Variants in AFAP1 observed in about 807,000 individuals in gnomAD.
The protein encoded by AFAP1 is actin filament-associated protein 1.
Under a neutral mutation model 93.9 loss-of-function variants are expected in AFAP1, and 75 were observed. The observed-to-expected ratio is 0.80, with a 90% confidence interval of 0.66 to 0.97. The LOEUF is 0.97. Ranked by LOEUF, AFAP1 falls within the 50% of genes least tolerant of loss-of-function variation. AFAP1 has a pLI of 0.00. For missense variants in AFAP1, 1,201 were observed against 1,050.8 expected, an observed-to-expected ratio of 1.14 and a Z score of -1.98; for synonymous variants, 517 against 430.7, an observed-to-expected ratio of 1.20 and a Z score of -2.48.
chr4:7,907,251 C>G (rs1308979070), intron 1 of AFAP1, among the ~76,000 whole-genome samples: 1 of 152,138 alleles, frequency 6.6e-6, no homozygotes, highest in East Asian at 1.9e-4. Context: ...CCACTTACCC[C>G]TCAGCTGACA....
At chr4:7,843,481 G>A in intron 4 of AFAP1, 131 bp from the exon 5 acceptor site, 3 of 864,428 alleles carry the variant, frequency 3.5e-6, no homozygotes, top group Non-Finnish European at 3.4e-6. Context: ...GCTCCTTAAG[G>A]GAAAAAACAA....
At chr4:7,831,080 T>C (rs1279323172) in intron 6 of AFAP1, among the ~76,000 whole-genome samples, 1 of 152,220 alleles carries the variant, frequency 6.6e-6, no homozygotes, top group Non-Finnish European at 1.5e-5. Context: ...AAGTCCCTAA[T>C]AAATCTGAAT....
intron 1 of AFAP1, among the ~76,000 whole-genome samples, chr4:7,904,880 T>G (rs1431349241): frequency 6.6e-6 from 1 of 152,104 alleles, no homozygotes; most frequent in African/African-American, 2.4e-5. Flanking sequence ...ATTTTTAATT[T>G]TTATGTTTTG....
chr4:7,880,715 C>G (rs376750390), intron 1 of AFAP1, among the ~76,000 whole-genome samples: 3 of 152,182 alleles, frequency 2.0e-5, no homozygotes, highest in African/African-American at 7.2e-5. Flanking sequence ...TTGCTGTGCA[C>G]GGAACTGTCT....
rs1319451485 is a variant in AFAP1 at position 7,772,844 on chromosome 4, G to A, written c.2229C>T (p.Pro743=). 1.2e-6 allele frequency: 2 copies of A among 1,614,038 alleles called. No homozygotes were observed. The highest frequency in any genetic ancestry group is 1.7e-5 in the Admixed American group (1 of 60,016). The change falls in exon 16 of 18, where the codon CCC becomes CCT. Residue 743 remains proline (P), a synonymous_variant. Transcript: ENST00000420658. The part of the protein sequence containing the change: ...GGVTLGLAIE[P]KSGTSSPQSP... ...CCTGTGGACTCGATGTCCCTGACTT[G>A]GGCTCGATGGCCAGCCCCAGGGTGA...
At chr4:7,888,181 G>T (rs563794487) in intron 1 of AFAP1, among the ~76,000 whole-genome samples, 1 of 152,180 alleles carries the variant, frequency 6.6e-6, no homozygotes, top group East Asian at 1.9e-4. Flanking sequence ...CAAAAACTTG[G>T]ATTTTCAAAA....
chr4:7,859,963 A>C (rs1214199310), intron 3 of AFAP1, among the ~76,000 whole-genome samples: 2 of 152,052 alleles, frequency 1.3e-5, no homozygotes, highest in Non-Finnish European at 2.9e-5. Flanking sequence ...GCAACATGGC[A>C]AAATCCCATC....
intron 1 of AFAP1, among the ~76,000 whole-genome samples, chr4:7,893,092 G>T (rs1009679838): frequency 6.6e-6 from 1 of 152,152 alleles, no homozygotes; most frequent in Non-Finnish European, 1.5e-5. Flanking sequence ...CCCGGTGCCG[G>T]GGGGGCAGAA....
intron 17 of AFAP1, among the ~76,000 whole-genome samples, chr4:7,764,770 G>A (rs1301617863): frequency 2.0e-5 from 3 of 152,158 alleles, no homozygotes; most frequent in Non-Finnish European, 4.4e-5. Flanking sequence ...TGTCTGGTCT[G>A]ACAACAGCCC....
intron 1 of AFAP1, among the ~76,000 whole-genome samples, chr4:7,930,106 C>T (rs949693927): frequency 1.3e-5 from 2 of 152,162 alleles, no homozygotes; most frequent in African/African-American, 4.8e-5. Context: ...CACAGTGTTG[C>T]TGAAAAAGTA....
rs751405516 is a variant in AFAP1 at position 7,843,201 on chromosome 4, G to A, written c.484C>T (p.Arg162Trp). 1.7e-5 allele frequency: 27 copies of A among 1,614,074 alleles called. No individual in the cohort carries two copies. The highest frequency in any genetic ancestry group is 2.2e-5 in the South Asian group (2 of 91,086). The change falls in exon 5 of 18, where the codon CGG (arginine) becomes TGG (tryptophan). Residue 162 changes from arginine to tryptophan, a missense_variant. Physicochemically the swap from Arg to Trp is moderately radical, Grantham distance 101. Coordinates refer to ENST00000420658, the MANE Select transcript of AFAP1 (RefSeq NM_001134647.2). ...KDAKICAFLL[R>W]KKRFGQWTKL... ...GTCCACTGGCCGAACCGCTTCTTCCGCAGCAGGAAGGCGCAGATTTTGGCG... is the reference window on the plus strand; with the variant it reads ...GTCCACTGGCCGAACCGCTTCTTCCACAGCAGGAAGGCGCAGATTTTGGCG...
intron 7 of AFAP1, among the ~76,000 whole-genome samples, chr4:7,817,026 G>A (rs1292868710): frequency 1.3e-5 from 2 of 152,180 alleles, no homozygotes; most frequent in Admixed American, 6.5e-5. Flanking sequence ...AGGTGCTCAC[G>A]GTACTGCCTT....
chr4:7,815,897 C>G (rs1408771869), intron 8 of AFAP1, 121 bp downstream of exon 8: 1 of 833,244 alleles, frequency 1.2e-6, no homozygotes, highest in Non-Finnish European at 1.9e-6. Flanking sequence ...ATGACGATAT[C>G]TACACATCTG....
intron 1 of AFAP1, among the ~76,000 whole-genome samples, chr4:7,929,543 A>C (rs1484812320): frequency 6.6e-6 from 1 of 152,026 alleles, no homozygotes; most frequent in Non-Finnish European, 1.5e-5. Context: ...TCCAACTCAA[A>C]TACACCTCCT....
At chr4:7,909,060 G>A (rs1039567614) in intron 1 of AFAP1, among the ~76,000 whole-genome samples, 1 of 152,168 alleles carries the variant, frequency 6.6e-6, no homozygotes, top group Non-Finnish European at 1.5e-5. Context: ...AACTAAAGTA[G>A]TCTTTGGTTC....
At chr4:7,822,579 C>CTT (rs1319604243) in intron 6 of AFAP1, among the ~76,000 whole-genome samples, 1 of 106,136 alleles carries the variant, frequency 9.4e-6, no homozygotes, top group Admixed American at 1.0e-4. Context: ...CTTTCTTTTT[C>CTT]TTTTTTCTTT....
intron 1 of AFAP1, among the ~76,000 whole-genome samples, chr4:7,887,412 G>A (rs1240329758): frequency 6.6e-6 from 1 of 152,118 alleles, no homozygotes; most frequent in African/African-American, 2.4e-5. Context: ...GGGTGTTACA[G>A]GAAAATGCAT....
chr4:7,823,682 C>T (rs895577412), intron 6 of AFAP1, among the ~76,000 whole-genome samples: 1 of 152,220 alleles, frequency 6.6e-6, no homozygotes, highest in South Asian at 2.1e-4. Flanking sequence ...TACACCCAAC[C>T]ATGTAATCTG....
chr4:7,934,600 G>C (rs1436041054), intron 1 of AFAP1, among the ~76,000 whole-genome samples: 1 of 152,192 alleles, frequency 6.6e-6, no homozygotes, highest in African/African-American at 2.4e-5. Context: ...TGACGAGAAA[G>C]AAAAGGCAGA....
Sources: gnomAD v4.1 joint callset for allele counts (sites outside exome capture counted in the v4.1 genomes callset) on GRCh38, gnomAD v4.1.1 for gene constraint, MANE v1.5 for transcripts, NCBI Gene and HGNC (gene_info 2026-07-23, HGNC 2026-07-21) for gene names.